The following IL1RAPL1 variants were observed in gnomAD, a reference collection of about 807,000 sequenced individuals.
The protein encoded by IL1RAPL1 is interleukin-1 receptor accessory protein-like 1.
Under a neutral mutation model 48.4 loss-of-function variants are expected in IL1RAPL1, and 3 were observed. The ratio of observed to expected loss-of-function variants is 0.06; its 90% confidence interval spans 0.03 to 0.16. The LOEUF is 0.16. Among genes scored for constraint, IL1RAPL1 ranks in the 10% least tolerant of loss-of-function variants. IL1RAPL1 has a pLI of 1.00. For synonymous variants in IL1RAPL1, 185 were observed against 187.7 expected, an observed-to-expected ratio of 0.99 and a Z score of 0.12; for missense variants, 349 against 530.6, an observed-to-expected ratio of 0.66 and a Z score of 3.36.
At chrX:29,427,288 C>G (rs780395044) in intron 5 of IL1RAPL1, among the ~76,000 whole-genome samples, 1 of 111,905 alleles carries the variant, frequency 8.9e-6, no homozygotes, top group African/African-American at 3.3e-5. Context: ...GGTTCCCTAT[C>G]ACTACTAAGT....
intron 6 of IL1RAPL1, among the ~76,000 whole-genome samples, chrX:29,889,878 A>G (rs1241245916): frequency 9.1e-6 from 1 of 109,638 alleles, no homozygotes; most frequent in Non-Finnish European, 1.9e-5. Context: ...TTTTTTTTTT[A>G]CTATGACCAT....
intron 3 of IL1RAPL1, among the ~76,000 whole-genome samples, chrX:29,285,621 G>A (rs183968265): frequency 3.7e-4 from 37 of 101,249 alleles, no homozygotes; most frequent in African/African-American, 1.4e-3. Context: ...GATGACACTT[G>A]CCATATGTTC....
At chrX:29,565,511 A>G (rs55647062) in intron 5 of IL1RAPL1, among the ~76,000 whole-genome samples, 14,502 of 111,722 alleles carry the variant, frequency 0.13, 1,166 homozygotes, top group African/African-American at 0.29. Context: ...ATTTAAGCAG[A>G]TAATCAAAGC....
intron 1 of IL1RAPL1, among the ~76,000 whole-genome samples, chrX:28,768,026 C>T (rs1936261316): frequency 9.0e-6 from 1 of 111,147 alleles, no homozygotes; most frequent in Admixed American, 9.6e-5. Context: ...AAATCCCTTG[C>T]TGTATTTTTA....
intron 2 of IL1RAPL1, among the ~76,000 whole-genome samples, chrX:28,883,243 A>G (rs977262715): frequency 8.9e-6 from 1 of 111,895 alleles, no homozygotes; most frequent in Non-Finnish European, 1.9e-5. Flanking sequence ...TTTTGTATAA[A>G]TGAAGTAGTA....
intron 2 of IL1RAPL1, among the ~76,000 whole-genome samples, chrX:28,895,988 G>A (rs1176359816): frequency 4.5e-5 from 5 of 112,247 alleles, no homozygotes; most frequent in Admixed American, 1.9e-4. Flanking sequence ...GATGGCACGC[G>A]GCTTAGGAGG....
Position 29,955,863 on chromosome X carries a change from A to T in IL1RAPL1, c.*43A>T, listed in dbSNP as rs1330871009. 2 of 1,028,170 alleles carry T rather than the reference A, an allele frequency of 1.9e-6. No homozygotes were observed. Among genetic ancestry groups the T allele is most frequent in the Non-Finnish European group, 2.7e-6 (2 of 731,381 alleles). The allele number at this position is 1,028,170 out of a possible 1,213,427, so 84.7% of individuals were successfully genotyped here. On this transcript the variant is annotated 3_prime_UTR_variant, in exon 11 of 11. Coordinates refer to ENST00000378993, the MANE Select transcript of IL1RAPL1 (RefSeq NM_014271.4). The stretch of plus-strand genomic sequence containing the variant: ...TCCCGTCCCTGGGAGGTTGAGTGGA[A>T]TCTGCAGTCCAGTGCCTGGAACTAA...
chrX:29,028,773 G>A (rs1313175715), intron 2 of IL1RAPL1, among the ~76,000 whole-genome samples: 2 of 111,074 alleles, frequency 1.8e-5, no homozygotes, highest in Admixed American at 1.9e-4. Context: ...GGTCAGCCTG[G>A]CAGTAAGGTC....
chrX:29,038,515 C>T (rs1406994571), intron 2 of IL1RAPL1, among the ~76,000 whole-genome samples: 1 of 111,845 alleles, frequency 8.9e-6, no homozygotes, highest in Non-Finnish European at 1.9e-5. Context: ...TATTCCTTGA[C>T]ACTGTCCCCA....
intron 5 of IL1RAPL1, among the ~76,000 whole-genome samples, chrX:29,621,620 C>T (rs1271851852): frequency 1.8e-5 from 2 of 109,319 alleles, no homozygotes; most frequent in Non-Finnish European, 3.8e-5. Context: ...TTATCTTTTC[C>T]TTTATTTAAA....
chrX:29,008,279 C>T (rs1189490509), intron 2 of IL1RAPL1, among the ~76,000 whole-genome samples: 3 of 110,505 alleles, frequency 2.7e-5, no homozygotes, highest in East Asian at 5.7e-4. Context: ...ACACCATTCT[C>T]CTGCCTCAGC....
intron 2 of IL1RAPL1, among the ~76,000 whole-genome samples, chrX:28,974,735 C>T (rs778398813): frequency 9.0e-6 from 1 of 111,712 alleles, no homozygotes; most frequent in South Asian, 3.8e-4. Flanking sequence ...TCATAAATGG[C>T]CAGCTCAGTC....
chrX:28,704,421 AACAC>A (rs71703533), intron 1 of IL1RAPL1, among the ~76,000 whole-genome samples: 40,157 of 89,072 alleles, frequency 0.45, 7,525 homozygotes, highest in Middle Eastern at 0.69. Context: ...AAAACACACA[AACAC>A]ACACACACAC....
chrX:29,548,332 C>A (rs1921696652), intron 5 of IL1RAPL1, among the ~76,000 whole-genome samples: 1 of 112,244 alleles, frequency 8.9e-6, no homozygotes, highest in Non-Finnish European at 1.9e-5. Flanking sequence ...ATTTTCAGTG[C>A]TGTCATTTTC....
At chrX:29,779,502 A>G (rs1349141348) in intron 6 of IL1RAPL1, among the ~76,000 whole-genome samples, 1 of 111,285 alleles carries the variant, frequency 9.0e-6, no homozygotes. Context: ...GCTACTATAC[A>G]TATTACCTAG....
At chrX:28,850,513 T>C (rs1921631825) in intron 2 of IL1RAPL1, among the ~76,000 whole-genome samples, 1 of 111,061 alleles carries the variant, frequency 9.0e-6, no homozygotes, top group Non-Finnish European at 1.9e-5. Flanking sequence ...CACTACAGTG[T>C]AAAGCTTGTT....
intron 2 of IL1RAPL1, among the ~76,000 whole-genome samples, chrX:29,137,382 G>T (rs1569244268): frequency 2.7e-5 from 3 of 111,265 alleles, no homozygotes; most frequent in African/African-American, 9.8e-5. Context: ...TCCACACAAG[G>T]TATATATATG....
chrX:28,662,143 G>C (rs1367421695), intron 1 of IL1RAPL1, among the ~76,000 whole-genome samples: 1 of 110,363 alleles, frequency 9.1e-6, no homozygotes, highest in South Asian at 3.9e-4. Context: ...TGTGTGGCCT[G>C]GGTCTAGAGA....
intron 5 of IL1RAPL1, among the ~76,000 whole-genome samples, chrX:29,443,565 A>G (rs1299449383): frequency 9.0e-6 from 1 of 111,632 alleles, no homozygotes; most frequent in Non-Finnish European, 1.9e-5. Context: ...TGGCTTGTAT[A>G]TCGATGCCTT....
Sources: gnomAD v4.1 joint callset for allele counts (sites outside exome capture counted in the v4.1 genomes callset) on GRCh38, gnomAD v4.1.1 for gene constraint, MANE v1.5 for transcripts, NCBI Gene and HGNC (gene_info 2026-07-23, HGNC 2026-07-21) for gene names.